RELL1: variants seen among roughly 807,000 people sequenced by gnomAD.
RELL1 encodes RELT-like protein 1.
A neutral mutation model predicts 23.0 loss-of-function variants in RELL1; 10 were observed. The observed-to-expected ratio is 0.43, with a 90% CI of 0.27 to 0.74. RELL1 has a LOEUF of 0.74. Ranked by LOEUF, RELL1 falls within the 30% of genes least tolerant of loss-of-function variation. RELL1 has a pLI of 0.19. For missense variants in RELL1, 315 were observed against 364.4 expected, an observed-to-expected ratio of 0.86 and a Z score of 1.10; for synonymous variants, 146 against 146.8, an observed-to-expected ratio of 0.99 and a Z score of 0.04.
In RELL1 at chr4:37,612,877, A is replaced by T. The variant is rs1392396633; in HGVS notation, c.*469T>A. 1 of 152,168 alleles carries T rather than the reference A, an allele frequency of 6.6e-6. No homozygotes were observed. Among genetic ancestry groups the T allele is most frequent in the Non-Finnish European group, 1.5e-5 (1 of 68,050 alleles). The allele number at this position is 152,168 out of a possible 1,614,324, so 9.4% of individuals were successfully genotyped here. A position where few individuals can be genotyped will look rare whatever the true frequency, so the allele number is the denominator to read the frequency against. On this transcript the variant is annotated 3_prime_UTR_variant, in exon 7 of 7. Coordinates refer to ENST00000454158, the MANE Select transcript of RELL1 (RefSeq NM_001085400.2). Reference sequence around the variant, plus strand: ...TAACAGCTAACCTGTATGTATCAAGATCTTCTTACAACCAGTGTCAAAATA... The same window carrying T: ...TAACAGCTAACCTGTATGTATCAAGTTCTTCTTACAACCAGTGTCAAAATA...
intron 1 of RELL1, among the ~76,000 whole-genome samples, chr4:37,651,974 AG>A (rs1473188641): frequency 1.3e-5 from 2 of 152,242 alleles, no homozygotes; most frequent in Non-Finnish European, 2.9e-5. Flanking sequence ...GGGGAGCTGA[AG>A]CACGCCAGCG....
chr4:37,653,142 G>A (rs2109287801), intron 1 of RELL1, among the ~76,000 whole-genome samples: 1 of 152,192 alleles, frequency 6.6e-6, no homozygotes. Flanking sequence ...TTGTTCTTAG[G>A]CAGATAGCTA....
At chr4:37,627,714 C>T (rs1278001276) in intron 6 of RELL1, among the ~76,000 whole-genome samples, 1 of 152,174 alleles carries the variant, frequency 6.6e-6, no homozygotes, top group Admixed American at 6.5e-5. Context: ...AAAAAAGAAA[C>T]CTAACCAATA....
intron 1 of RELL1, among the ~76,000 whole-genome samples, chr4:37,651,658 C>A (rs2109285962): frequency 6.6e-6 from 1 of 152,306 alleles, no homozygotes; most frequent in East Asian, 1.9e-4. Context: ...AGCCAAGCTA[C>A]AAGTTAAATC....
chr4:37,620,437 A>C (rs1719727336), intron 6 of RELL1, among the ~76,000 whole-genome samples: 1 of 152,240 alleles, frequency 6.6e-6, no homozygotes, highest in South Asian at 2.1e-4. Flanking sequence ...AGAGCACCTT[A>C]TTCCAAGTAA....
intron 1 of RELL1, among the ~76,000 whole-genome samples, chr4:37,668,044 A>G (rs1241676470): frequency 6.6e-6 from 1 of 152,130 alleles, no homozygotes; most frequent in East Asian, 1.9e-4. Flanking sequence ...AAAAAAAGAC[A>G]TCAAAATGTT....
chr4:37,593,565 C>T (rs896515695), intron 6 of RELL1, among the ~76,000 whole-genome samples: 6 of 152,232 alleles, frequency 3.9e-5, no homozygotes, highest in Non-Finnish European at 7.3e-5. Context: ...CCACATTACT[C>T]TCTTTGGTCA....
At chr4:37,590,345 G>A (rs747119173), downstream of RELL1, 1 of 1,613,734 alleles carries the variant, frequency 6.2e-7, no homozygotes, top group South Asian at 1.1e-5. Flanking sequence ...CATGCCTGCG[G>A]TGTCAACGGC....
chr4:37,616,062 T>G (rs748310588), intron 6 of RELL1, among the ~76,000 whole-genome samples: 1 of 152,042 alleles, frequency 6.6e-6, no homozygotes, highest in Non-Finnish European at 1.5e-5. Flanking sequence ...GAACAGTAAA[T>G]GCTAAAATCT....
chr4:37,649,532 T>TGA, intron 1 of RELL1, 32 bp from the exon 2 acceptor site: 11 of 1,588,638 alleles, frequency 6.9e-6, no homozygotes, highest in Non-Finnish European at 8.6e-6. Context: ...CTGCATTAGA[T>TGA]ATCTGTCCAG....
At chr4:37,674,289 AC>A (rs1443468746) in intron 1 of RELL1, among the ~76,000 whole-genome samples, 17 of 152,354 alleles carry the variant, frequency 1.1e-4, no homozygotes, top group Middle Eastern at 6.8e-3. Context: ...AATAAGAGAA[AC>A]CTCATTTTTA....
chr4:37,604,530 C>T (rs2109491438), intron 6 of RELL1, among the ~76,000 whole-genome samples: 1 of 152,064 alleles, frequency 6.6e-6, no homozygotes, highest in Non-Finnish European at 1.5e-5. Flanking sequence ...CACACGCACA[C>T]TCCAAATCAG....
chr4:37,595,718 T>G (rs1044622581), intron 6 of RELL1, among the ~76,000 whole-genome samples: 3 of 152,176 alleles, frequency 2.0e-5, no homozygotes, highest in African/African-American at 7.2e-5. Context: ...AGGCTTGTGG[T>G]GGTCTGTGGA....
chr4:37,586,632 G>A (rs189033974), downstream of RELL1, among the ~76,000 whole-genome samples: 141 of 152,314 alleles, frequency 9.3e-4, no homozygotes, highest in Non-Finnish European at 1.3e-3. Flanking sequence ...GGAAGCAGCC[G>A]GGCATGGTGG....
rs186298341 is a variant in RELL1 at position 37,611,098 on chromosome 4, G to T, written c.*2248C>A. Among the ~76,000 whole-genome samples the T allele has an allele frequency of 4.6e-4, 69 of 149,336 alleles. No homozygotes were observed. In the Middle Eastern group the frequency reaches 0.01, roughly 23 times the overall value. On this transcript the variant is annotated 3_prime_UTR_variant, in exon 7 of 7. Coordinates refer to ENST00000454158, the MANE Select transcript of RELL1 (RefSeq NM_001085400.2). ...TGAGTATTCTCTTGCCTGTTGTATT[G>T]CTATTTAAAAAAAAGTGCTCTGACT...
intron 1 of RELL1, 38 bp downstream of exon 1, chr4:37,686,162 C>G: frequency 6.5e-7 from 1 of 1,527,454 alleles, no homozygotes. Flanking sequence ...CGGGACCGGG[C>G]TCAGCACCCG....
chr4:37,665,430 T>A, intron 1 of RELL1: 1 of 378,190 alleles, frequency 2.6e-6, no homozygotes, highest in South Asian at 2.0e-5. Flanking sequence ...TAAACCCAGC[T>A]TGGGGAACTA....
chr4:37,656,583 G>A lies in RELL1; in HGVS notation c.89-7083C>T, dbSNP rs191833299. On this transcript the variant is annotated intron_variant, in intron 1 of 6. Transcript: ENST00000454158. ...ATGATCTGTCCCCTCCAAAACACAC[G>A]TTGAAATTTGGTCCCCAATGTAACA... Among the ~76,000 whole-genome samples the A allele has an allele frequency of 3.5e-3, 533 of 152,312 alleles. 3 individuals carry two copies. The highest frequency in any genetic ancestry group is 0.012 in the African/African-American group (502 of 41,570).
chr4:37,604,912 C>G (rs1422885027), intron 6 of RELL1, among the ~76,000 whole-genome samples: 710 of 47,464 alleles, frequency 0.015, 39 homozygotes, highest in African/African-American at 0.03. Context: ...CACACACACA[C>G]ACACACAGAC....
Sources: allele counts gnomAD v4.1 joint callset (sites outside exome capture counted in the v4.1 genomes callset), GRCh38; gene constraint gnomAD v4.1.1; transcripts MANE v1.5; gene names NCBI Gene and HGNC (gene_info 2026-07-23, HGNC 2026-07-21).